The following ZRANB3 variants were observed in gnomAD, a reference collection of about 807,000 sequenced individuals.
ZRANB3 encodes the protein DNA annealing helicase and endonuclease ZRANB3.
A neutral mutation model predicts 133.8 loss-of-function variants in ZRANB3; 125 were observed. That is an observed-to-expected ratio of 0.93 (90% CI 0.81 to 1.08). The LOEUF is 1.08. ZRANB3 is among the 50% of genes least tolerant of loss of function. The pLI, the probability that ZRANB3 is intolerant of heterozygous loss-of-function variation, is 0.00. For synonymous variants in ZRANB3, 387 were observed against 432.7 expected (o/e 0.89, Z 1.31); for missense variants, 1,229 against 1,275.5 (o/e 0.96, Z 0.56).
At chr2:135,246,984 C>T (rs1292207821) in intron 12 of ZRANB3, among the ~76,000 whole-genome samples, 1 of 152,106 alleles carries the variant, frequency 6.6e-6, no homozygotes, top group Admixed American at 6.6e-5. Flanking sequence ...TAGTAAAACT[C>T]ATAAAAAATA....
chr2:135,489,058 C>G (rs1416375794), intron 2 of ZRANB3, among the ~76,000 whole-genome samples: 1 of 151,640 alleles, frequency 6.6e-6, no homozygotes, highest in Non-Finnish European at 1.5e-5. Context: ...ATACTGTTTG[C>G]AAGATGACCT....
At chr2:135,367,519 C>T (rs367667807) in intron 3 of ZRANB3, among the ~76,000 whole-genome samples, 3 of 151,706 alleles carry the variant, frequency 2.0e-5, no homozygotes, top group Non-Finnish European at 2.9e-5. Flanking sequence ...TTTGAGAGTG[C>T]GTACATGAAC....
intron 2 of ZRANB3, among the ~76,000 whole-genome samples, chr2:135,421,683 T>C (rs1324127817): frequency 6.6e-6 from 1 of 152,174 alleles, no homozygotes; most frequent in East Asian, 1.9e-4. Context: ...GCTTCCATTT[T>C]TCACTATCTA....
At chr2:135,234,509 C>A (rs187699819) in intron 12 of ZRANB3, among the ~76,000 whole-genome samples, 17 of 152,046 alleles carry the variant, frequency 1.1e-4, no homozygotes, top group Admixed American at 7.2e-4. Flanking sequence ...CAGCACCACA[C>A]CTATTCCAAA....
intron 1 of ZRANB3, among the ~76,000 whole-genome samples, chr2:135,527,127 TGTCATGGGCCATG>T (rs1320291992): frequency 6.6e-6 from 1 of 152,192 alleles, no homozygotes; most frequent in African/African-American, 2.4e-5. Flanking sequence ...CCGAGGGCTG[TGTCATGGGCCATG>T]GTCACTCATA....
intron 2 of ZRANB3, among the ~76,000 whole-genome samples, chr2:135,422,528 C>G (rs1688908653): frequency 6.6e-6 from 1 of 151,670 alleles, no homozygotes; most frequent in Non-Finnish European, 1.5e-5. Context: ...ACCCACAGGA[C>G]AGAAGGAGAA....
chr2:135,287,470 A>C (rs1268228886), intron 8 of ZRANB3, among the ~76,000 whole-genome samples: 2 of 152,030 alleles, frequency 1.3e-5, no homozygotes, highest in Non-Finnish European at 2.9e-5. Context: ...GATGATGGTT[A>C]TTTTGATGGG....
chr2:135,486,256 C>T (rs144277296), intron 2 of ZRANB3, among the ~76,000 whole-genome samples: 10 of 152,298 alleles, frequency 6.6e-5, no homozygotes, highest in Admixed American at 2.6e-4. Context: ...TCAATACTCT[C>T]CAACCTGCTG....
In ZRANB3 at chr2:135,208,916, T is replaced by C. The variant is rs1001789323; in HGVS notation, c.2558A>G (p.His853Arg). ...GGACTCCTTTGTGATCAGACGGACA[T>C]GGCCCCCAACATTCTTCACTTTGTC... ...SMDKVKNVGG[H>R]VRLITKESRP... Residue 853 changes from histidine (H) to arginine (R), a missense_variant, in exon 18 of 21, where the codon CAT becomes CGT. By Grantham distance (29) the His-to-Arg change is conservative (BLOSUM62 0). Coordinates refer to ENST00000264159, the MANE Select transcript of ZRANB3 (RefSeq NM_032143.4). 2 of 1,614,018 alleles carry C rather than the reference T, an allele frequency of 1.2e-6. No individual in the cohort carries two copies. Among genetic ancestry groups the C allele is most frequent in the Non-Finnish European group, 1.7e-6 (2 of 1,179,874 alleles).
At chr2:135,328,983 C>T (rs1309273978) in intron 6 of ZRANB3, among the ~76,000 whole-genome samples, 2 of 152,078 alleles carry the variant, frequency 1.3e-5, no homozygotes, top group African/African-American at 2.4e-5. Context: ...GGGTAAATTG[C>T]AAAAATTTTC....
At chr2:135,484,695 T>TG (rs915110231) in intron 2 of ZRANB3, among the ~76,000 whole-genome samples, 2 of 150,628 alleles carry the variant, frequency 1.3e-5, no homozygotes, top group African/African-American at 2.4e-5. Context: ...TCTTGGTTTT[T>TG]AAATATTTAA....
intron 2 of ZRANB3, among the ~76,000 whole-genome samples, chr2:135,483,504 CTCTT>C (rs1691939855): frequency 6.6e-6 from 1 of 151,938 alleles, no homozygotes; most frequent in African/African-American, 2.4e-5. Context: ...TGATTCTTCT[CTCTT>C]TTTTTATTAG....
chr2:135,411,823 T>C lies in ZRANB3; in HGVS notation c.162-21003A>G, dbSNP rs151044516. On this transcript the variant is annotated intron_variant, in intron 2 of 20. Transcript: ENST00000264159. ...AAAACTATTGAGTATGTTCACTATT[T>C]GGGTGATGGGTTCACCAGAAGCCCA... Among the ~76,000 whole-genome samples, 906 of 152,250 alleles carry C rather than the reference T, an allele frequency of 6.0e-3. 7 individuals carry two copies. Among genetic ancestry groups the C allele is most frequent in the African/African-American group, 0.02 (819 of 41,548 alleles).
chr2:135,328,670 C>G (rs764069366), intron 6 of ZRANB3, among the ~76,000 whole-genome samples: 1 of 152,166 alleles, frequency 6.6e-6, no homozygotes, highest in Non-Finnish European at 1.5e-5. Flanking sequence ...CTAGTTTACA[C>G]TCCCACAAAC....
At chr2:135,389,395 T>C (rs1687122365) in intron 3 of ZRANB3, among the ~76,000 whole-genome samples, 1 of 152,136 alleles carries the variant, frequency 6.6e-6, no homozygotes, top group African/African-American at 2.4e-5. Flanking sequence ...TTAAATTCTC[T>C]ATTCATGTTT....
intron 5 of ZRANB3, 52 bp downstream of exon 5, chr2:135,349,932 C>T: frequency 6.5e-7 from 1 of 1,529,694 alleles, no homozygotes; most frequent in Admixed American, 1.7e-5. Flanking sequence ...ATTCAATACG[C>T]CTCCCACCCC....
chr2:135,370,990 T>G (rs1686153360), intron 3 of ZRANB3, among the ~76,000 whole-genome samples: 2 of 152,206 alleles, frequency 1.3e-5, no homozygotes, highest in African/African-American at 4.8e-5. Context: ...CCTTCTGCCA[T>G]AACCTTAAGC....
chr2:135,386,033 A>G (rs1686955293), intron 3 of ZRANB3, among the ~76,000 whole-genome samples: 1 of 152,250 alleles, frequency 6.6e-6, no homozygotes, highest in Admixed American at 6.5e-5. Flanking sequence ...GGCAAAAGAA[A>G]CTACCATCAG....
At chr2:135,243,457 C>T (rs958445902) in intron 12 of ZRANB3, among the ~76,000 whole-genome samples, 1 of 152,074 alleles carries the variant, frequency 6.6e-6, no homozygotes, top group South Asian at 2.1e-4. Context: ...GAGCCAAGAT[C>T]GTGCCACTGC....
Sources: gnomAD v4.1 joint callset for allele counts (sites outside exome capture counted in the v4.1 genomes callset) on GRCh38, gnomAD v4.1.1 for gene constraint, MANE v1.5 for transcripts, NCBI Gene and HGNC (gene_info 2026-07-23, HGNC 2026-07-21) for gene names.